Variants in SDHAF3 observed in about 807,000 individuals in gnomAD.
SDHAF3 encodes succinate dehydrogenase assembly factor 3, mitochondrial.
SDHAF3 carries 18 observed loss-of-function variants against 11.5 expected under a neutral mutation model. That is an observed-to-expected ratio of 1.56 (90% CI 1.08 to 2.32). SDHAF3 has a LOEUF of 2.32. Among genes scored for constraint, SDHAF3 ranks in the 30% most tolerant of loss-of-function variants. SDHAF3 has a pLI of 0.00. For missense variants in SDHAF3, 200 were observed against 154.4 expected (o/e 1.30, Z -1.57); for synonymous variants, 72 against 59.3 (o/e 1.21, Z -0.99).
intron 1 of SDHAF3, among the ~76,000 whole-genome samples, chr7:97,143,504 C>T (rs756603042): frequency 1.3e-5 from 2 of 152,136 alleles, no homozygotes; most frequent in African/African-American, 2.4e-5. Context: ...ATTCTTATAG[C>T]CTTTGCATCC....
chr7:97,117,814 G>A lies in SDHAF3; in HGVS notation c.91G>A (p.Gly31Ser), dbSNP rs754408322. ...RVLPPDLKSL[G>S]DQYVKDEFRR... ...TCTGCCCCCGGACCTCAAATCCCTG[G>A]GCGACCAGTACGTGAAAGACGAATT... Residue 31 changes from glycine (G) to serine (S), a missense_variant, in exon 1 of 2, where the codon GGC (glycine) becomes AGC (serine). By Grantham distance (56) the Gly-to-Ser change is moderately conservative. Transcript: ENST00000432641. 1 of 1,614,030 alleles carries A rather than the reference G, an allele frequency of 6.2e-7. No individual in the cohort carries two copies. Among genetic ancestry groups the A allele is most frequent in the Non-Finnish European group, 8.5e-7 (1 of 1,180,044 alleles).
At chr7:97,157,185 A>G (rs939589990) in intron 1 of SDHAF3, among the ~76,000 whole-genome samples, 8 of 152,208 alleles carry the variant, frequency 5.3e-5, no homozygotes, top group African/African-American at 1.9e-4. Context: ...CTAATTGTCT[A>G]GTAGAGTACT....
chr7:97,123,694 GGC>G (rs1161378617), intron 1 of SDHAF3, among the ~76,000 whole-genome samples: 1 of 151,654 alleles, frequency 6.6e-6, no homozygotes, highest in African/African-American at 2.4e-5. Flanking sequence ...CATTCTAACT[GGC>G]GTGAGATGGT....
At position 97,174,012 on chromosome 7, in the gene SDHAF3, TGGTTTTAA is replaced by T. The variant is rs1270979572; in HGVS notation, c.175-6998_175-6991del. On this transcript the variant is annotated intron_variant, in intron 1 of 1. Transcript: ENST00000432641. ...TCGGCTCACTGCAACCTCCGACTCC[TGGTTTTAA>T]GCAATTCTCCTGCCTCAGCCTTCTG... 5.2e-4 allele frequency among the ~76,000 whole-genome samples: 79 copies of T among 151,954 alleles called. No homozygotes were observed. The East Asian group carries it at 0.011, about 20-fold the overall frequency.
chr7:97,131,437 T>C (rs963655160), intron 1 of SDHAF3, among the ~76,000 whole-genome samples: 2 of 152,226 alleles, frequency 1.3e-5, no homozygotes, highest in African/African-American at 4.8e-5. Context: ...AGTAATGAGA[T>C]GAGAATGGAA....
intron 1 of SDHAF3, among the ~76,000 whole-genome samples, chr7:97,138,079 C>T (rs940848897): frequency 1.3e-5 from 2 of 151,584 alleles, no homozygotes; most frequent in Non-Finnish European, 2.9e-5. Context: ...TGGCTAGTCT[C>T]GAACTCCTGA....
At position 97,117,743 on chromosome 7, in the gene SDHAF3, C is replaced by T; in HGVS notation, c.20C>T (p.Ser7Phe). Residue 7 changes from serine to phenylalanine, a missense_variant, in exon 1 of 2, where the codon TCT becomes TTT. By Grantham distance (155) the Ser-to-Phe change is radical. Transcript: ENST00000432641. ...GGCGCTATGCCGGGGCGGCACGTTT[C>T]TCGAGTCCGGGCATTGTACAAGCGC... MPGRHV[S>F]RVRALYKRVL... 6.2e-7 allele frequency: 1 copy of T among 1,613,566 alleles called. No homozygotes were observed. Among genetic ancestry groups the T allele is most frequent in the Non-Finnish European group, 8.5e-7 (1 of 1,179,658 alleles).
chr7:97,131,491 A>G (rs577593479), intron 1 of SDHAF3, among the ~76,000 whole-genome samples: 20 of 152,200 alleles, frequency 1.3e-4, no homozygotes, highest in Admixed American at 9.8e-4. Context: ...AATCAGGCAC[A>G]TATTTGTTTT....
chr7:97,125,828 C>T (rs1791564922), intron 1 of SDHAF3, among the ~76,000 whole-genome samples: 1 of 152,224 alleles, frequency 6.6e-6, no homozygotes, highest in Non-Finnish European at 1.5e-5. Flanking sequence ...CTGAAGCCTA[C>T]TTCTGTCAAT....
At chr7:97,173,947 G>A (rs1442205188) in intron 1 of SDHAF3, among the ~76,000 whole-genome samples, 1 of 147,416 alleles carries the variant, frequency 6.8e-6, no homozygotes, top group Non-Finnish European at 1.5e-5. Context: ...TAAAGACAGA[G>A]TCTTGCTGTG....
chr7:97,155,235 A>G (rs534629173), intron 1 of SDHAF3, among the ~76,000 whole-genome samples: 2 of 152,314 alleles, frequency 1.3e-5, no homozygotes, highest in East Asian at 3.9e-4. Flanking sequence ...CATTGCTTCA[A>G]TTTTAAAATT....
At chr7:97,138,781 T>A (rs1225223279) in intron 1 of SDHAF3, among the ~76,000 whole-genome samples, 4 of 152,262 alleles carry the variant, frequency 2.6e-5, no homozygotes, top group Non-Finnish European at 5.9e-5. Flanking sequence ...ATTTTAGCTT[T>A]AATGTTGACA....
chr7:97,170,475 TAAAC>T (rs1410586826), intron 1 of SDHAF3, among the ~76,000 whole-genome samples: 2 of 152,196 alleles, frequency 1.3e-5, no homozygotes, highest in Non-Finnish European at 2.9e-5. Flanking sequence ...ATGAATTTCA[TAAAC>T]AAGAATGTGC....
intron 1 of SDHAF3, among the ~76,000 whole-genome samples, chr7:97,125,123 C>T (rs1791556122): frequency 6.6e-6 from 1 of 151,822 alleles, no homozygotes; most frequent in African/African-American, 2.4e-5. Flanking sequence ...ATTCTTCTCT[C>T]TTTTCTTCTT....
chr7:97,121,035 AAG>A (rs1282201662), intron 1 of SDHAF3, among the ~76,000 whole-genome samples: 1 of 152,230 alleles, frequency 6.6e-6, no homozygotes, highest in Non-Finnish European at 1.5e-5. Context: ...TTCTCACCAT[AAG>A]AGAAAAAATT....
chr7:97,144,674 G>A (rs1317693670), intron 1 of SDHAF3, among the ~76,000 whole-genome samples: 1 of 152,140 alleles, frequency 6.6e-6, no homozygotes, highest in Non-Finnish European at 1.5e-5. Context: ...TGGTCTATGT[G>A]CCTGTTTTTA....
chr7:97,151,791 G>C (rs567027227), intron 1 of SDHAF3, among the ~76,000 whole-genome samples: 2 of 152,092 alleles, frequency 1.3e-5, no homozygotes, highest in East Asian at 3.9e-4. Context: ...GAGCCACCAC[G>C]CTCGGCCAAC....
chr7:97,153,901 T>G (rs1469747471), intron 1 of SDHAF3, among the ~76,000 whole-genome samples: 1 of 152,232 alleles, frequency 6.6e-6, no homozygotes, highest in Non-Finnish European at 1.5e-5. Context: ...TGATATCTCG[T>G]GTTTTAATTC....
chr7:97,144,320 T>G (rs1789104106), intron 1 of SDHAF3, among the ~76,000 whole-genome samples: 1 of 152,210 alleles, frequency 6.6e-6, no homozygotes, highest in Non-Finnish European at 1.5e-5. Context: ...CTCTTCAGTT[T>G]AATTAGGTCC....
Sources: gnomAD v4.1 joint callset for allele counts (sites outside exome capture counted in the v4.1 genomes callset) on GRCh38, gnomAD v4.1.1 for gene constraint, MANE v1.5 for transcripts, NCBI Gene and HGNC (gene_info 2026-07-23, HGNC 2026-07-21) for gene names.